TRIM37: variants seen among roughly 807,000 people sequenced by gnomAD.
TRIM37 encodes E3 ubiquitin-protein ligase TRIM37.
A neutral mutation model predicts 129.8 loss-of-function variants in TRIM37; 80 were observed. The ratio of observed to expected loss-of-function variants is 0.62; its 90% CI spans 0.51 to 0.74. The LOEUF is 0.74. Among genes scored for constraint, TRIM37 ranks in the 30% least tolerant of loss-of-function variants. The pLI, the probability that TRIM37 is intolerant of heterozygous loss-of-function variation, is 0.00. For missense variants in TRIM37, 1,054 were observed against 1,176.5 expected (o/e 0.90, Z 1.52); for synonymous variants, 389 against 387.1 (o/e 1.00, Z -0.06).
chr17:58,993,416 G>A (rs2032648873), downstream of TRIM37, among the ~76,000 whole-genome samples: 1 of 152,208 alleles, frequency 6.6e-6, no homozygotes, highest in Non-Finnish European at 1.5e-5. Context: ...ATGGGCAAAT[G>A]AATGAACAGT....
At chr17:58,969,377 C>A in the TRIM37 span, 1 of 743,736 alleles carries the variant, frequency 1.3e-6, no homozygotes, top group Non-Finnish European at 2.4e-6. Context: ...GGTATTTCAG[C>A]AGTTGATCAG....
At chr17:59,047,865 A>G in intron 15 of TRIM37, 46 bp from the exon 16 acceptor site, 1 of 1,610,054 alleles carries the variant, frequency 6.2e-7, no homozygotes, top group East Asian at 2.2e-5. Flanking sequence ...AAATGTTTCT[A>G]CTCAGTTGAT....
chr17:58,995,173 C>T (rs2032863154), downstream of TRIM37, among the ~76,000 whole-genome samples: 1 of 152,132 alleles, frequency 6.6e-6, no homozygotes, highest in Non-Finnish European at 1.5e-5. Context: ...CTCAGCCTCC[C>T]AAGTAGCCGG....
chr17:59,015,078 A>T (rs1246750688), intron 21 of TRIM37, among the ~76,000 whole-genome samples: 1 of 138,394 alleles, frequency 7.2e-6, no homozygotes, highest in African/African-American at 2.8e-5. Context: ...CTCCATCTCA[A>T]AAAAAAAAAA....
At chr17:59,049,844 A>T (rs535072397) in intron 14 of TRIM37, among the ~76,000 whole-genome samples, 67 of 151,534 alleles carry the variant, frequency 4.4e-4, no homozygotes, top group African/African-American at 1.3e-3. Context: ...TTTTATTTAT[A>T]AAAAAAAATT....
chr17:59,070,998 A>T (rs780112227), intron 8 of TRIM37, 51 bp from the exon 9 acceptor site: 1 of 1,603,702 alleles, frequency 6.2e-7, no homozygotes, highest in Non-Finnish European at 8.5e-7. Flanking sequence ...ATTCACTGCC[A>T]CCTCAAAATT....
chr17:59,096,200 C>T (rs1380426851), intron 2 of TRIM37, among the ~76,000 whole-genome samples: 2 of 151,644 alleles, frequency 1.3e-5, no homozygotes, highest in African/African-American at 4.9e-5. Context: ...ACTAAATAAG[C>T]CAGATGGTAA....
chr17:59,063,819 C>G (rs921400433), intron 10 of TRIM37, among the ~76,000 whole-genome samples: 3 of 152,194 alleles, frequency 2.0e-5, no homozygotes, highest in Non-Finnish European at 4.4e-5. Flanking sequence ...TCCAGCCCCC[C>G]ACCTTAGTCA....
intron 24 of TRIM37, chr17:58,982,976 A>C: frequency 4.7e-6 from 7 of 1,485,804 alleles, no homozygotes; most frequent in Non-Finnish European, 5.5e-6. Context: ...TATAGTCCAA[A>C]GTGCTTAGCG....
intron 24 of TRIM37, among the ~76,000 whole-genome samples, chr17:58,986,660 C>T (rs117539473): frequency 0.011 from 1,746 of 152,074 alleles, 16 homozygotes; most frequent in Middle Eastern, 0.041. Flanking sequence ...TTACAGGCGT[C>T]GGCCACCACG....
At chr17:58,995,938 T>C (rs564344437), downstream of TRIM37, among the ~76,000 whole-genome samples, 2 of 151,522 alleles carry the variant, frequency 1.3e-5, no homozygotes, top group South Asian at 4.2e-4. Flanking sequence ...GCCCAGGGGG[T>C]TGAGGCTGTA....
intron 19 of TRIM37, among the ~76,000 whole-genome samples, chr17:59,021,058 A>T (rs766613493): frequency 2.1e-4 from 32 of 152,194 alleles, no homozygotes; most frequent in Non-Finnish European, 3.4e-4. Context: ...CACAATAACC[A>T]TGGTTTGGAA....
rs1568017752 is a variant in TRIM37 at position 59,028,652 on chromosome 17, T to A, written c.2020A>T (p.Met674Leu). The A allele has an allele frequency of 6.2e-7, 1 of 1,614,248 alleles. No individual in the cohort carries two copies. ...AMWRVPSDLK[M>L]LKRLKTQMAE... Reference sequence around the variant, plus strand: ...ATTTGAGTTTTGAGTCTTTTTAGCATCTTTAAATCAGAGGGCACTCGCCAC... The same window carrying A: ...ATTTGAGTTTTGAGTCTTTTTAGCAACTTTAAATCAGAGGGCACTCGCCAC... Residue 674 changes from methionine (M) to leucine (L), a missense_variant, in exon 19 of 24, where the codon ATG becomes TTG. Met to Leu is a conservative substitution (Grantham distance 15, BLOSUM62 2). Transcript: ENST00000262294.
chr17:59,070,564 T>C (rs2042276892), intron 9 of TRIM37, among the ~76,000 whole-genome samples: 1 of 152,016 alleles, frequency 6.6e-6, no homozygotes, highest in South Asian at 2.1e-4. Context: ...ACCACTCCAT[T>C]ATAAACAAGA....
At chr17:59,000,841 A>G (rs2033630056) in intron 23 of TRIM37, among the ~76,000 whole-genome samples, 1 of 152,190 alleles carries the variant, frequency 6.6e-6, no homozygotes, top group South Asian at 2.1e-4. Context: ...GGGATTGGCA[A>G]TCATTTCCTA....
intron 24 of TRIM37, among the ~76,000 whole-genome samples, chr17:58,987,318 A>G (rs1325817059): frequency 6.6e-6 from 1 of 152,198 alleles, no homozygotes; most frequent in Non-Finnish European, 1.5e-5. Context: ...TCGAGTTGCT[A>G]CGGGTTCACT....
intron 8 of TRIM37, among the ~76,000 whole-genome samples, chr17:59,072,553 G>C (rs543091720): frequency 6.6e-6 from 1 of 152,028 alleles, no homozygotes; most frequent in East Asian, 1.9e-4. Flanking sequence ...CTAGTTCAAG[G>C]CCTGGCCAAC....
intron 13 of TRIM37, among the ~76,000 whole-genome samples, 157 bp from the exon 14 acceptor site, chr17:59,051,485 G>A (rs1359059616): frequency 6.6e-6 from 1 of 152,178 alleles, no homozygotes; most frequent in Non-Finnish European, 1.5e-5. Context: ...GTAGTCCACA[G>A]ATTATGACAC....
chr17:59,018,923 C>A (rs892520341), intron 19 of TRIM37, among the ~76,000 whole-genome samples: 1 of 152,026 alleles, frequency 6.6e-6, no homozygotes, highest in Non-Finnish European at 1.5e-5. Context: ...TAGAAACAAA[C>A]CCTTATATTT....
Sources: allele counts gnomAD v4.1 joint callset (sites outside exome capture counted in the v4.1 genomes callset), GRCh38; gene constraint gnomAD v4.1.1; transcripts MANE v1.5; gene names NCBI Gene and HGNC (gene_info 2026-07-23, HGNC 2026-07-21).